The following MTCL1 variants were observed in gnomAD, a reference collection of about 807,000 sequenced individuals.
The protein encoded by MTCL1 is microtubule crosslinking factor 1, also known as microtubule cross-linking factor 1.
MTCL1 carries 79 observed loss-of-function variants against 141.4 expected under a neutral mutation model. The ratio of observed to expected loss-of-function variants is 0.56; its 90% CI spans 0.47 to 0.67. MTCL1 has a LOEUF of 0.67. Among genes scored for constraint, MTCL1 ranks in the 30% least tolerant of loss-of-function variants. The probability of loss-of-function intolerance (pLI) is 0.00; values close to 1 mark genes in which losing one functional copy is unlikely to be tolerated. For missense variants in MTCL1, 2,177 were observed against 2,113.9 expected (o/e 1.03, Z -0.59); for synonymous variants, 914 against 875.8 (o/e 1.04, Z -0.77).
At position 8,766,785 on chromosome 18, in the gene MTCL1, A is replaced by G. The variant is rs368958014; in HGVS notation, c.358-11048A>G. Among the ~76,000 whole-genome samples the G allele has an allele frequency of 1.1e-4, 17 of 152,334 alleles. No homozygotes were observed. In the East Asian group the frequency reaches 2.9e-3, roughly 26 times the overall value. ...GACAGAGCTGAGGGTGGGCAGGTGC[A>G]GCTGGGACTTCCCTCCCTCTGTTCT... On this transcript the variant is annotated intron_variant, in intron 4 of 16. Coordinates refer to ENST00000359865, the Ensembl canonical transcript of MTCL1.
At chr18:8,820,575 C>T (rs1471499933) in intron 13 of MTCL1, among the ~76,000 whole-genome samples, 1 of 152,160 alleles carries the variant, frequency 6.6e-6, no homozygotes, top group Non-Finnish European at 1.5e-5. Flanking sequence ...AGGTCAAATG[C>T]CTTATCCTCA....
At chr18:8,780,801 A>G (rs1215718108) in intron 5 of MTCL1, among the ~76,000 whole-genome samples, 2 of 152,232 alleles carry the variant, frequency 1.3e-5, no homozygotes, top group Admixed American at 1.3e-4. Context: ...AGTTCTAAGA[A>G]GCTGGGGTTG....
chr18:8,780,147 C>T (rs1026248155), intron 5 of MTCL1, among the ~76,000 whole-genome samples: 2 of 152,178 alleles, frequency 1.3e-5, no homozygotes, highest in Admixed American at 1.3e-4. Flanking sequence ...GGGGAAGACC[C>T]CCAGGGGTTG....
upstream of MTCL1, among the ~76,000 whole-genome samples, chr18:8,717,073 C>A (rs757757920): frequency 6.6e-6 from 1 of 152,130 alleles, no homozygotes; most frequent in African/African-American, 2.4e-5. Context: ...TGTTCACTGG[C>A]GCACCTGTGT....
intron 10 of MTCL1, among the ~76,000 whole-genome samples, chr18:8,799,302 C>T (rs899239832): frequency 6.6e-6 from 1 of 152,224 alleles, no homozygotes; most frequent in African/African-American, 2.4e-5. Context: ...AGGCGGCAAC[C>T]TTCTGAGTGC....
upstream of MTCL1, among the ~76,000 whole-genome samples, chr18:8,714,804 C>CTT (rs34270484): frequency 6.7e-6 from 1 of 148,692 alleles, no homozygotes; most frequent in African/African-American, 2.5e-5. Context: ...TTTCTTTTCT[C>CTT]TTTTTTTTTT....
At chr18:8,747,505 A>G (rs540927555) in intron 4 of MTCL1, among the ~76,000 whole-genome samples, 17 of 151,724 alleles carry the variant, frequency 1.1e-4, no homozygotes, top group African/African-American at 3.9e-4. Context: ...TCATCACACA[A>G]CCTCTTCCCT....
chr18:8,821,561 G>T, intron 14 of MTCL1, 63 bp downstream of exon 13: 1 of 940,152 alleles, frequency 1.1e-6, no homozygotes, highest in Non-Finnish European at 1.6e-6. Flanking sequence ...TTAAAATGTT[G>T]TTTTGTCAAT....
At chr18:8,831,863 A>G (rs765567818) in exon 17 of MTCL1, 3 of 1,532,154 alleles carry the variant, frequency 2.0e-6, no homozygotes, top group Middle Eastern at 1.7e-4. Flanking sequence ...CACCATCACC[A>G]TGAACAAAAC....
chr18:8,712,394 T>C (rs76228933), upstream of MTCL1, among the ~76,000 whole-genome samples: 3,020 of 152,248 alleles, frequency 0.02, 99 homozygotes, highest in African/African-American at 0.07. Flanking sequence ...CTGACCTGGT[T>C]TTTGACATTT....
exon 15 of MTCL1, chr18:8,824,833 A>G: frequency 6.2e-7 from 1 of 1,614,142 alleles, no homozygotes; most frequent in East Asian, 2.2e-5. Flanking sequence ...GACCTCAAGT[A>G]CATCGAGGAG....
intron 10 of MTCL1, 138 bp downstream of exon 9, chr18:8,798,429 G>A: frequency 1.5e-6 from 1 of 676,456 alleles, no homozygotes; most frequent in Non-Finnish European, 2.3e-6. Flanking sequence ...GTCACCTGTT[G>A]TCATTTGTGA....
rs148865128 is a variant in MTCL1 at position 8,787,543 on chromosome 18, G to C, written c.1887+1452G>C. Among the ~76,000 whole-genome samples, 251 of 152,358 alleles carry C rather than the reference G, an allele frequency of 1.6e-3. 3 individuals carry two copies. The highest frequency in any genetic ancestry group is 3.9e-3 in the Admixed American group (59 of 15,308). On this transcript the variant is annotated intron_variant, in intron 7 of 16. Transcript: ENST00000359865. ...TGTGTTTCTAAAGAGTCACTCTAAC[G>C]ACTAATTGTACAGCCGCTGTCTTGC...
chr18:8,745,373 C>G (rs1368192596), intron 4 of MTCL1, among the ~76,000 whole-genome samples: 1 of 152,252 alleles, frequency 6.6e-6, no homozygotes, highest in Non-Finnish European at 1.5e-5. Flanking sequence ...TTTGAATAAA[C>G]CAAGAGACGG....
At chr18:8,819,943 T>A (rs2076787607) in intron 13 of MTCL1, among the ~76,000 whole-genome samples, 1 of 152,110 alleles carries the variant, frequency 6.6e-6, no homozygotes, top group South Asian at 2.1e-4. Flanking sequence ...TACAGTCTTC[T>A]GAGTCTAGAA....
At chr18:8,807,917 T>C (rs1193617973) in intron 11 of MTCL1, among the ~76,000 whole-genome samples, 6 of 151,816 alleles carry the variant, frequency 4.0e-5, no homozygotes, top group African/African-American at 1.5e-4. Context: ...TTTGTAGGGA[T>C]TGGCCTGGTC....
Position 8,830,631 on chromosome 18 carries a change from G to A in MTCL1, c.*19-976G>A, listed in dbSNP as rs1452413548. 1.1e-5 allele frequency: 11 copies of A among 985,594 alleles called. No individual in the cohort carries two copies. Among genetic ancestry groups the A allele is most frequent in the Non-Finnish European group, 1.1e-5 (9 of 830,166 alleles). 61.1% of individuals were successfully genotyped at this position (985,594 alleles called of 1,614,324 possible). On this transcript the variant is annotated intron_variant, in intron 16 of 16. Transcript: ENST00000359865. The surrounding 1 kb of genome is among the most constrained non-coding windows in gnomAD (Gnocchi z 6.4). ...TCCAACTCACTTCCTTTCTTTGAGG[G>A]TCCTTGTTCTCTGTCATCCTTCCTG...
In MTCL1 at chr18:8,783,450, A is replaced by C. The variant is rs570721461; in HGVS notation, c.418-80A>C. 4.5e-5 allele frequency: 58 copies of C among 1,280,888 alleles called. No individual in the cohort carries two copies. In the African/African-American group the frequency reaches 8.0e-4, roughly 18 times the overall value. 79.3% of individuals were successfully genotyped at this position (1,280,888 alleles called of 1,614,324 possible). On this transcript the variant is annotated intron_variant, in intron 5 of 16. Coordinates refer to ENST00000359865, the Ensembl canonical transcript of MTCL1. The stretch of plus-strand genomic sequence containing the variant: ...TTGATGTTTGTGTGCATTGGGGGCG[A>C]GGTGTGAGGGGAATCATGAAAAACA...
chr18:8,760,180 A>C (rs1482683985), intron 4 of MTCL1, among the ~76,000 whole-genome samples: 2 of 152,134 alleles, frequency 1.3e-5, no homozygotes, highest in African/African-American at 4.8e-5. Context: ...CAGTGAGTCC[A>C]ACCTGCCTCC....
Sources: gnomAD v4.1 joint callset for allele counts (sites outside exome capture counted in the v4.1 genomes callset) on GRCh38, gnomAD v4.1.1 for gene constraint, Gnocchi (gnomAD v3.1) non-coding constraint, MANE v1.5 for transcripts, NCBI Gene and HGNC (gene_info 2026-07-23, HGNC 2026-07-21) for gene names.